The following LRRC4C variants were observed in gnomAD, a reference collection of about 807,000 sequenced individuals.
LRRC4C encodes leucine-rich repeat-containing protein 4C.
Under a neutral mutation model 33.6 loss-of-function variants are expected in LRRC4C, and 5 were observed. The ratio of observed to expected loss-of-function variants is 0.15; its 90% CI spans 0.08 to 0.31. The LOEUF is 0.31. Ranked by LOEUF, LRRC4C falls within the 10% of genes least tolerant of loss-of-function variation. The probability of loss-of-function intolerance (pLI) is 1.00; values close to 1 mark genes in which losing one functional copy is unlikely to be tolerated. For synonymous variants in LRRC4C, 329 were observed against 302.0 expected (o/e 1.09, Z -0.93); for missense variants, 560 against 796.7 (o/e 0.70, Z 3.58).
intron 1 of LRRC4C, among the ~76,000 whole-genome samples, chr11:41,081,409 C>A (rs1483796498): frequency 2.0e-5 from 3 of 152,198 alleles, no homozygotes; most frequent in Non-Finnish European, 4.4e-5. Context: ...GCAGTGAATT[C>A]TCACCCAGCA....
intron 1 of LRRC4C, among the ~76,000 whole-genome samples, chr11:41,303,222 C>G (rs570375365): frequency 1.3e-5 from 2 of 150,124 alleles, no homozygotes; most frequent in African/African-American, 4.9e-5. Flanking sequence ...CTCAGTCTAC[C>G]GAATGCCTGC....
At chr11:41,078,719 G>C (rs1401224267) in intron 1 of LRRC4C, among the ~76,000 whole-genome samples, 2 of 152,150 alleles carry the variant, frequency 1.3e-5, no homozygotes, top group African/African-American at 4.8e-5. Flanking sequence ...TTTGAGATGA[G>C]ATTTGGGTGG....
intron 3 of LRRC4C, among the ~76,000 whole-genome samples, chr11:40,569,130 A>G (rs1314828602): frequency 6.6e-6 from 1 of 152,162 alleles, no homozygotes; most frequent in Non-Finnish European, 1.5e-5. Context: ...CTGATGAGAT[A>G]AGCTCTTGAA....
chr11:40,885,995 G>A (rs1277713126), intron 2 of LRRC4C, among the ~76,000 whole-genome samples: 1 of 152,044 alleles, frequency 6.6e-6, no homozygotes. Context: ...AATTAATAGT[G>A]TCTGAAATAT....
intron 5 of LRRC4C, among the ~76,000 whole-genome samples, chr11:40,173,739 A>G (rs1860239390): frequency 1.4e-5 from 2 of 144,232 alleles, no homozygotes; most frequent in Admixed American, 1.4e-4. Context: ...GATTCTTTGA[A>G]TAAGAAACAT....
rs572815887 is a variant in LRRC4C at position 40,549,526 on chromosome 11, A to G, written c.-270+98616T>C. ...AAAGTTTAGGAACAGATTGATGTTCAAGTATAAATGTACAAAAAATAACTT... is the reference window on the plus strand; with the variant it reads ...AAAGTTTAGGAACAGATTGATGTTCGAGTATAAATGTACAAAAAATAACTT... On this transcript the variant is annotated intron_variant, in intron 3 of 6. Transcript: ENST00000528697. Among the ~76,000 whole-genome samples, 38 of 152,326 alleles carry G rather than the reference A, an allele frequency of 2.5e-4. No individual in the cohort carries two copies. The South Asian group carries it at 6.8e-3, about 27-fold the overall frequency.
chr11:40,822,817 G>C (rs943372187), intron 2 of LRRC4C, among the ~76,000 whole-genome samples: 8 of 151,678 alleles, frequency 5.3e-5, no homozygotes, highest in African/African-American at 1.9e-4. Context: ...TTACATTTCA[G>C]TCTTTAATTC....
At chr11:40,984,036 G>A (rs2137133496) in intron 1 of LRRC4C, among the ~76,000 whole-genome samples, 1 of 152,162 alleles carries the variant, frequency 6.6e-6, no homozygotes, top group South Asian at 2.1e-4. Flanking sequence ...ATAAAGATGA[G>A]CAAGCTGACC....
At chr11:40,683,103 T>G (rs1944780847) in intron 2 of LRRC4C, among the ~76,000 whole-genome samples, 1 of 152,234 alleles carries the variant, frequency 6.6e-6, no homozygotes, top group African/African-American at 2.4e-5. Flanking sequence ...CCAGCTATGT[T>G]CTTTCTCTTC....
chr11:41,455,815 C>T (rs1249425520), intron 1 of LRRC4C, among the ~76,000 whole-genome samples: 1 of 152,110 alleles, frequency 6.6e-6, no homozygotes, highest in Non-Finnish European at 1.5e-5. Flanking sequence ...GGTTCCAAGA[C>T]TTTGAATGAC....
At chr11:41,014,303 A>G (rs78670715) in intron 1 of LRRC4C, among the ~76,000 whole-genome samples, 2,230 of 152,054 alleles carry the variant, frequency 0.015, 61 homozygotes, top group African/African-American at 0.051. Context: ...GTATAAGTAA[A>G]TTTCTCAAGG....
rs143263809 is a variant in LRRC4C at position 40,538,592 on chromosome 11, T to G, written c.-270+109550A>C. Among the ~76,000 whole-genome samples the G allele has an allele frequency of 4.1e-3, 622 of 152,316 alleles. 6 individuals carry two copies. The highest frequency in any genetic ancestry group is 0.013 in the African/African-American group (546 of 41,570). On this transcript the variant is annotated intron_variant, in intron 3 of 6. Coordinates refer to ENST00000528697, the MANE Select transcript of LRRC4C (RefSeq NM_001258419.2). ...ATTGTGAATAGTGCCGCAATAAACA[T>G]ACGTGTGCATGTGTCTTTATAGCAG...
chr11:40,995,594 T>C (rs1853911859), intron 1 of LRRC4C, among the ~76,000 whole-genome samples: 2 of 152,214 alleles, frequency 1.3e-5, no homozygotes, highest in African/African-American at 4.8e-5. Flanking sequence ...CTTCCCTTGA[T>C]GTCTATTGCT....
At chr11:40,306,825 A>G (rs576736274) in intron 4 of LRRC4C, among the ~76,000 whole-genome samples, 1 of 152,268 alleles carries the variant, frequency 6.6e-6, no homozygotes. Flanking sequence ...CTGAGCTTGT[A>G]CTGCCATTCA....
At chr11:40,593,690 T>A (rs936609650) in intron 3 of LRRC4C, among the ~76,000 whole-genome samples, 2 of 152,192 alleles carry the variant, frequency 1.3e-5, no homozygotes, top group East Asian at 3.8e-4. Context: ...GGGTTGGATA[T>A]AATATTTAAA....
chr11:40,803,332 A>C (rs4372440), intron 2 of LRRC4C, among the ~76,000 whole-genome samples: 29,145 of 152,128 alleles, frequency 0.19, 3,084 homozygotes, highest in African/African-American at 0.28. Flanking sequence ...ACAAACCTAC[A>C]AGCTTGGTCC....
chr11:40,259,238 G>A lies in LRRC4C; in HGVS notation c.-175-17640C>T, dbSNP rs527665971. Among the ~76,000 whole-genome samples, 254 of 148,942 alleles carry A rather than the reference G, an allele frequency of 1.7e-3. 3 individuals are homozygous for A. The highest frequency in any genetic ancestry group is 5.5e-3 in the African/African-American group (218 of 39,320). ...TGAGAAGTGTCTGTTCATGTCCTTC[G>A]CCCACTTTTTGATGGGGTTGTTTGT... On this transcript the variant is annotated intron_variant, in intron 4 of 6. Coordinates refer to ENST00000528697, the MANE Select transcript of LRRC4C (RefSeq NM_001258419.2).
rs765842028 is a variant in LRRC4C at position 40,114,706 on chromosome 11, G to A, written c.1587C>T (p.Ile529=). ...IDEVMKTTKI[I]IGCFVAITLM... ...GTGTGATGGCCACAAAACACCCAAT[G>A]ATGATTTTGGTAGTCTTCATGACCT... The change falls in exon 7 of 7, where the codon ATC becomes ATT. Residue 529 remains isoleucine, a synonymous_variant. Coordinates refer to ENST00000528697, the MANE Select transcript of LRRC4C (RefSeq NM_001258419.2). 6.2e-7 allele frequency: 1 copy of A among 1,614,148 alleles called. No individual in the cohort carries two copies. The highest frequency in any genetic ancestry group is 8.5e-7 in the Non-Finnish European group (1 of 1,180,024).
chr11:40,512,856 T>A (rs1171017491), intron 3 of LRRC4C, among the ~76,000 whole-genome samples: 1 of 152,156 alleles, frequency 6.6e-6, no homozygotes, highest in Non-Finnish European at 1.5e-5. Flanking sequence ...GTAGCTGCTC[T>A]GTTTCAGACA....
Sources: allele counts gnomAD v4.1 joint callset (sites outside exome capture counted in the v4.1 genomes callset), GRCh38; gene constraint gnomAD v4.1.1; transcripts MANE v1.5; gene names NCBI Gene and HGNC (gene_info 2026-07-23, HGNC 2026-07-21).